The following MTR variants were observed in gnomAD, a reference collection of about 807,000 sequenced individuals.
MTR encodes the protein methionine synthase.
In MTR, 84 loss-of-function variants were observed where a neutral mutation model predicts 154.8. That is an observed-to-expected ratio of 0.54 (90% CI 0.45 to 0.65). The LOEUF (loss-of-function observed/expected upper bound fraction) is 0.65. MTR is among the 30% of genes least tolerant of loss of function. MTR has a pLI of 0.00. For missense variants in MTR, 1,275 were observed against 1,570.2 expected, an observed-to-expected ratio of 0.81 and a Z score of 3.18; for synonymous variants, 554 against 553.9, an observed-to-expected ratio of 1.00 and a Z score of 0.00.
chr1:236,886,257 GA>G, intron 26 of MTR, 34 bp from the exon 27 acceptor site: 1 of 1,566,664 alleles, frequency 6.4e-7, no homozygotes. Flanking sequence ...GAAAAGCTAA[GA>G]GTGTCTAACT....
chr1:236,833,719 C>T (rs1662747440), intron 13 of MTR, among the ~76,000 whole-genome samples: 1 of 152,230 alleles, frequency 6.6e-6, no homozygotes, highest in Admixed American at 6.5e-5. Context: ...GTCCTATGTT[C>T]TTGCCCAACT....
chr1:236,851,405 G>A (rs1663895371), intron 16 of MTR, among the ~76,000 whole-genome samples: 1 of 152,224 alleles, frequency 6.6e-6, no homozygotes, highest in African/African-American at 2.4e-5. Context: ...AGGCTGTGAT[G>A]TTCCTTAGGG....
intron 2 of MTR, among the ~76,000 whole-genome samples, chr1:236,804,311 C>T (rs1032350785): frequency 2.0e-5 from 3 of 152,208 alleles, no homozygotes; most frequent in African/African-American, 4.8e-5. Flanking sequence ...CTCAAGGGCG[C>T]TTATTCACCC....
Position 236,897,614 on chromosome 1 carries a change from T to G in MTR, c.3768T>G (p.Leu1256=), listed in dbSNP as rs780080580. ...NISVAEVEKW[L]GPILGYDTD ...CTGTGGCTGAGGTTGAGAAATGGCTTGGACCCATTTTGGGATATGATACAG... is the reference window on the plus strand; with the variant it reads ...CTGTGGCTGAGGTTGAGAAATGGCTGGGACCCATTTTGGGATATGATACAG... Residue 1256 remains leucine (L), a synonymous_variant, in exon 33 of 33, where the codon CTT becomes CTG. Transcript: ENST00000366577. The G allele has an allele frequency of 6.2e-7, 1 of 1,613,884 alleles. No homozygotes were observed.
intron 27 of MTR, among the ~76,000 whole-genome samples, chr1:236,887,343 ACT>A (rs1666067695): frequency 1.3e-5 from 2 of 152,262 alleles, no homozygotes; most frequent in African/African-American, 4.8e-5. Flanking sequence ...GTGGCTCCTG[ACT>A]CTGACTCACG....
chr1:236,819,253 C>G (rs142294758), intron 8 of MTR, among the ~76,000 whole-genome samples: 1 of 152,236 alleles, frequency 6.6e-6, no homozygotes, highest in South Asian at 2.1e-4. Flanking sequence ...CCCTTGTGCT[C>G]CAGTTATTTA....
intron 23 of MTR, 149 bp from the exon 24 acceptor site, chr1:236,874,577 A>G (rs1665323875): frequency 3.0e-6 from 2 of 660,056 alleles, no homozygotes; most frequent in Non-Finnish European, 4.8e-6. Context: ...TCTCAAAAAA[A>G]AAAAAAAAGA....
At chr1:236,849,984 T>C (rs1310309513) in intron 15 of MTR, among the ~76,000 whole-genome samples, 1 of 152,212 alleles carries the variant, frequency 6.6e-6, no homozygotes, top group Non-Finnish European at 1.5e-5. Flanking sequence ...TGATTTTTTA[T>C]CATATGCATG....
At chr1:236,869,251 A>G (rs1664987021) in intron 22 of MTR, among the ~76,000 whole-genome samples, 2 of 152,240 alleles carry the variant, frequency 1.3e-5, no homozygotes, top group South Asian at 2.1e-4. Flanking sequence ...AATTCTGTGT[A>G]TTCTTAAATA....
chr1:236,896,545 A>G (rs1448988643), intron 31 of MTR, among the ~76,000 whole-genome samples: 1 of 152,216 alleles, frequency 6.6e-6, no homozygotes, highest in Non-Finnish European at 1.5e-5. Context: ...TCAGATCCCA[A>G]GGAAAACTGT....
Position 236,795,534 on chromosome 1 carries a change from T to G in MTR, c.-170T>G, listed in dbSNP as rs769222060. ...GAGAGGCCCTAGGGCGCTGCGGGCTTTCGGGGTCCGCAGTCCCCCCGCGAC... is the reference window on the plus strand; with the variant it reads ...GAGAGGCCCTAGGGCGCTGCGGGCTGTCGGGGTCCGCAGTCCCCCCGCGAC... On this transcript the variant is annotated 5_prime_UTR_variant, in exon 1 of 33. Transcript: ENST00000366577. The G allele has an allele frequency of 4.6e-6, 7 of 1,531,146 alleles. No individual in the cohort carries two copies. The Admixed American group carries it at 1.4e-4, about 30-fold the overall frequency. 94.8% of individuals were successfully genotyped at this position (1,531,146 alleles called of 1,614,324 possible).
intron 22 of MTR, among the ~76,000 whole-genome samples, chr1:236,871,037 A>G (rs1351255308): frequency 6.6e-6 from 1 of 152,180 alleles, no homozygotes; most frequent in Admixed American, 6.5e-5. Flanking sequence ...TTCAGTCCCA[A>G]GTAAATCTGT....
rs2147939390 is a variant in MTR, at chr1:236,891,205, G to A, written c.3080G>A (p.Arg1027Gln). 2.5e-6 allele frequency: 4 copies of A among 1,613,994 alleles called. No homozygotes were observed. The highest frequency in any genetic ancestry group is 2.2e-5 in the East Asian group (1 of 44,888). The stretch of plus-strand genomic sequence containing the variant: ...ACACTGATTAGTCAAAAGAAACTCC[G>A]GGCCCGGGGTGTGGTTGGGTTCTGG... ...LNTLISQKKL[R>Q]ARGVVGFWPA... Residue 1027 changes from arginine (R) to glutamine (Q), a missense_variant, in exon 29 of 33, where the codon CGG becomes CAG. Arg to Gln is a conservative substitution (Grantham distance 43). Coordinates refer to ENST00000366577, the MANE Select transcript of MTR (RefSeq NM_000254.3).
In MTR at chr1:236,816,603, G is replaced by T. The variant is rs938242702; in HGVS notation, c.764+60G>T. 2.6e-5 allele frequency: 36 copies of T among 1,377,942 alleles called. No homozygotes were observed. The East Asian group carries it at 8.2e-4, about 31-fold the overall frequency. The allele number at this position is 1,377,942 out of a possible 1,614,324, so 85.4% of individuals were successfully genotyped here. The stretch of plus-strand genomic sequence containing the variant: ...TTTTGGGGAACCTTTTCTGATGGCT[G>T]TGGAGTGTGACCTGGGAGGGGATTG... On this transcript the variant is annotated intron_variant, in intron 8 of 32. Coordinates refer to ENST00000366577, the MANE Select transcript of MTR (RefSeq NM_000254.3).
intron 22 of MTR, among the ~76,000 whole-genome samples, chr1:236,871,625 A>T (rs1484615362): frequency 6.6e-6 from 1 of 152,218 alleles, no homozygotes; most frequent in Non-Finnish European, 1.5e-5. Flanking sequence ...ATTGTTTAAC[A>T]AAAGATCCAG....
intron 12 of MTR, among the ~76,000 whole-genome samples, chr1:236,829,732 A>G (rs770201862): frequency 2.6e-5 from 4 of 152,210 alleles, no homozygotes; most frequent in Admixed American, 6.5e-5. Context: ...GACTTTACAA[A>G]GACTTGTGGT....
chr1:236,893,233 C>G (rs908066487), intron 29 of MTR, among the ~76,000 whole-genome samples: 2 of 152,206 alleles, frequency 1.3e-5, no homozygotes, highest in Non-Finnish European at 2.9e-5. Flanking sequence ...ACAGCTGTCC[C>G]TGAGCTCTGT....
intron 14 of MTR, among the ~76,000 whole-genome samples, chr1:236,837,853 C>T (rs1662998095): frequency 6.6e-6 from 1 of 152,210 alleles, no homozygotes; most frequent in Non-Finnish European, 1.5e-5. Context: ...TAAAAGGAAC[C>T]TATTCTCAAC....
chr1:236,835,941 TCTC>T (rs1358192829), intron 14 of MTR, among the ~76,000 whole-genome samples: 1 of 152,054 alleles, frequency 6.6e-6, no homozygotes, highest in Non-Finnish European at 1.5e-5. Flanking sequence ...GAGAATTGAG[TCTC>T]CTCAGATGTC....
Sources: allele counts gnomAD v4.1 joint callset (sites outside exome capture counted in the v4.1 genomes callset), GRCh38; gene constraint gnomAD v4.1.1; transcripts MANE v1.5; gene names NCBI Gene and HGNC (gene_info 2026-07-23, HGNC 2026-07-21).